SETD2: variants seen among roughly 807,000 people sequenced by gnomAD.
The protein encoded by SETD2 is SET domain containing 2, histone lysine methyltransferase, also known as histone-lysine N-methyltransferase SETD2.
In SETD2, 31 loss-of-function variants were observed where a neutral mutation model predicts 242.1. The ratio of observed to expected loss-of-function variants is 0.13; its 90% CI spans 0.10 to 0.17. The LOEUF (loss-of-function observed/expected upper bound fraction) is 0.17. SETD2 is among the 10% of genes least tolerant of loss of function. The probability of loss-of-function intolerance (pLI) is 1.00; values close to 1 mark genes in which losing one functional copy is unlikely to be tolerated. For missense variants in SETD2, 2,481 were observed against 3,046.3 expected (o/e 0.81, Z 4.37); for synonymous variants, 1,006 against 1,066.5 (o/e 0.94, Z 1.11).
Position 47,046,557 on chromosome 3 carries a change from C to A in SETD2, c.7028G>T (p.Gly2343Val). 6.2e-7 allele frequency: 1 copy of A among 1,613,366 alleles called. No homozygotes were observed. The highest frequency in any genetic ancestry group is 1.1e-5 in the South Asian group (1 of 90,988). Residue 2343 changes from glycine to valine, a missense_variant, in exon 16 of 21, where the codon GGA becomes GTA. By Grantham distance (109) the Gly-to-Val change is moderately radical (BLOSUM62 -3). Coordinates refer to ENST00000409792, the MANE Select transcript of SETD2 (RefSeq NM_014159.7). ...GQQIFTAHPQ[G>V]VVVQPAAAVT... ...TGCTGCGGCTGGCTGTACCACCACTCCTTGTGGATGAGCTGTGAAAATCTG... is the reference window on the plus strand; with the variant it reads ...TGCTGCGGCTGGCTGTACCACCACTACTTGTGGATGAGCTGTGAAAATCTG...
intron 16 of SETD2, among the ~76,000 whole-genome samples, chr3:47,045,686 A>AC (rs200375115): frequency 9.2e-4 from 17 of 18,476 alleles, no homozygotes. Context: ...TGACAGAGTT[A>AC]AAAAAAAAAA....
intron 12 of SETD2, among the ~76,000 whole-genome samples, chr3:47,073,622 C>T (rs1019922934): frequency 5.9e-5 from 9 of 152,100 alleles, no homozygotes; most frequent in African/African-American, 1.9e-4. Flanking sequence ...ACTCTAACTT[C>T]GAATAGCAGG....
At chr3:47,083,585 A>G in intron 12 of SETD2, 135 bp downstream of exon 12, 2 of 828,846 alleles carry the variant, frequency 2.4e-6, no homozygotes, top group Non-Finnish European at 3.8e-6. Flanking sequence ...ACACTTATAA[A>G]TAAAACAGTA....
chr3:47,152,167 T>C (rs1434720528), intron 1 of SETD2, among the ~76,000 whole-genome samples: 6 of 152,222 alleles, frequency 3.9e-5, no homozygotes, highest in Non-Finnish European at 8.8e-5. Flanking sequence ...AATATACCTA[T>C]TATGGTTACC....
Position 47,123,296 on chromosome 3 carries a change from G to A in SETD2, c.1340C>T (p.Ser447Phe), listed in dbSNP as rs998524208. ...SSPYRERTRY[S>F]RPYTDNRARE... ...TGCTCTGTTATCTGTGTATGGCCGA[G>A]AATAGCGCGTCCTCTCTCGATAAGG... Residue 447 changes from serine to phenylalanine, a missense_variant, in exon 3 of 21, where the codon TCT becomes TTT. Coordinates refer to ENST00000409792, the MANE Select transcript of SETD2 (RefSeq NM_014159.7). The A allele has an allele frequency of 1.3e-6, 2 of 1,551,848 alleles. No individual in the cohort carries two copies. The highest frequency in any genetic ancestry group is 2.0e-5 in the Admixed American group (1 of 51,006).
intron 15 of SETD2, among the ~76,000 whole-genome samples, chr3:47,051,755 A>G (rs1319689691): frequency 6.6e-6 from 1 of 152,192 alleles, no homozygotes; most frequent in Non-Finnish European, 1.5e-5. Flanking sequence ...ACCAGGGTAA[A>G]ACATGTTATT....
chr3:47,031,814 AT>A, intron 18 of SETD2, among the ~76,000 whole-genome samples: 1 of 152,352 alleles, frequency 6.6e-6, no homozygotes, highest in African/African-American at 2.4e-5. Flanking sequence ...CATATTAGAA[AT>A]TAAGTTAAAC....
rs1377496437 is a variant in SETD2, at chr3:47,121,939, T to C, written c.2697A>G (p.Lys899=). The C allele has an allele frequency of 2.5e-6, 4 of 1,614,032 alleles. No individual in the cohort carries two copies. The African/African-American group carries it at 4.0e-5, about 16-fold the overall frequency. Residue 899 remains lysine (K), a synonymous_variant, in exon 3 of 21, where the codon AAA becomes AAG. Transcript: ENST00000409792. ...GAACTGGAGATGTGTTCTCTCCGCATTTCAAGAGAGTTAGACTGTCCACCT... is the reference window on the plus strand; with the variant it reads ...GAACTGGAGATGTGTTCTCTCCGCACTTCAAGAGAGTTAGACTGTCCACCT... The part of the protein sequence containing the change: ...GIKVDSLTLL[K]CGENTSPVLD...
intron 18 of SETD2, chr3:47,029,065 ATTTTT>A: frequency 3.2e-5 from 5 of 156,336 alleles, no homozygotes; most frequent in Non-Finnish European, 6.7e-5. Flanking sequence ...CAAACTTTTA[ATTTTT>A]TTTTTTTTTT....
At chr3:47,067,406 CTTTT>C (rs548953692) in intron 12 of SETD2, among the ~76,000 whole-genome samples, 1 of 83,900 alleles carries the variant, frequency 1.2e-5, no homozygotes, top group Non-Finnish European at 2.2e-5. Context: ...TCCTGAGCAT[CTTTT>C]TTTTTTTTTT....
At chr3:47,038,720 A>G (rs2039138573) in intron 17 of SETD2, among the ~76,000 whole-genome samples, 1 of 152,224 alleles carries the variant, frequency 6.6e-6, no homozygotes, top group Non-Finnish European at 1.5e-5. Context: ...TTAAATGTTT[A>G]CAGTCATTTT....
chr3:47,117,881 TAA>T (rs1491413723), intron 3 of SETD2, among the ~76,000 whole-genome samples: 1 of 152,202 alleles, frequency 6.6e-6, no homozygotes, highest in Non-Finnish European at 1.5e-5. Context: ...TACCCTGGTC[TAA>T]AAACAAAACA....
At chr3:47,145,694 C>G (rs1370039956) in intron 1 of SETD2, among the ~76,000 whole-genome samples, 1 of 152,108 alleles carries the variant, frequency 6.6e-6, no homozygotes, top group Non-Finnish European at 1.5e-5. Context: ...GGCCTGTATA[C>G]AGTTTAAGAA....
intron 1 of SETD2, among the ~76,000 whole-genome samples, chr3:47,129,191 A>C (rs189837706): frequency 1.3e-5 from 2 of 152,246 alleles, no homozygotes; most frequent in Non-Finnish European, 2.9e-5. Context: ...AAAAAAGAAA[A>C]GAAAAGAAAT....
intron 1 of SETD2, among the ~76,000 whole-genome samples, chr3:47,140,466 A>G (rs2043700570): frequency 6.6e-6 from 1 of 152,236 alleles, no homozygotes; most frequent in Non-Finnish European, 1.5e-5. Flanking sequence ...CTCATTAGCA[A>G]AAAGTGAGAG....
intron 18 of SETD2, among the ~76,000 whole-genome samples, chr3:47,033,666 T>TTC (rs1294759367): frequency 7.0e-6 from 1 of 142,106 alleles, no homozygotes; most frequent in Non-Finnish European, 1.5e-5. Context: ...TTTTTTTTTT[T>TTC]TTTTTTTTTT....
rs1042058100 is a variant in SETD2, at chr3:47,017,146, T to C, written c.7642A>G (p.Met2548Val). ...TTGTAAACAGCCCCAAACTTCTGCA[T>C]GTACTTCTTAATGTACTCCTTGGTT... ...HKTKEYIKKY[M>V]QKFGAVYKPK... The change falls in exon 21 of 21, where the codon ATG becomes GTG. Residue 2548 changes from methionine (M) to valine (V), a missense_variant. Physicochemically the swap from Met to Val is conservative, Grantham distance 21. Transcript: ENST00000409792. The surrounding 1 kb of genome is among the most constrained non-coding windows in gnomAD (Gnocchi z 4.8). 2 of 1,614,094 alleles carry C rather than the reference T, an allele frequency of 1.2e-6. No homozygotes were observed. Among genetic ancestry groups the C allele is most frequent in the Admixed American group, 1.7e-5 (1 of 60,006 alleles).
intron 17 of SETD2, among the ~76,000 whole-genome samples, chr3:47,039,002 A>G (rs1252177988): frequency 6.6e-6 from 1 of 152,194 alleles, no homozygotes; most frequent in African/African-American, 2.4e-5. Flanking sequence ...ATATACATAT[A>G]TATAGACTAT....
rs985982627 is a variant in SETD2, at chr3:47,143,772, G to A, written c.72-17109C>T. ...GTCGCCCAGGCTGGAGTGCAGTGGCGCGATCTCGGCTCACTGCAACCTCCA... is the reference window on the plus strand; with the variant it reads ...GTCGCCCAGGCTGGAGTGCAGTGGCACGATCTCGGCTCACTGCAACCTCCA... On this transcript the variant is annotated intron_variant, in intron 1 of 20. Transcript: ENST00000409792. Among the ~76,000 whole-genome samples, 20 of 151,896 alleles carry A rather than the reference G, an allele frequency of 1.3e-4. No individual in the cohort carries two copies. The South Asian group carries it at 2.1e-3, about 16-fold the overall frequency.
Sources: gnomAD v4.1 joint callset for allele counts (sites outside exome capture counted in the v4.1 genomes callset) on GRCh38, gnomAD v4.1.1 for gene constraint, Gnocchi (gnomAD v3.1) non-coding constraint, MANE v1.5 for transcripts, NCBI Gene and HGNC (gene_info 2026-07-23, HGNC 2026-07-21) for gene names.